Variants in NRXN3 observed in about 807,000 individuals in gnomAD.
The protein encoded by NRXN3 is neurexin 3, also known as neurexin III.
A neutral mutation model predicts 137.6 loss-of-function variants in NRXN3; 32 were observed. The observed-to-expected ratio is 0.23, with a 90% CI of 0.18 to 0.31. The LOEUF is 0.31. NRXN3 is among the 10% of genes least tolerant of loss of function. The probability of loss-of-function intolerance (pLI) is 1.00; values close to 1 mark genes in which losing one functional copy is unlikely to be tolerated. For synonymous variants in NRXN3, 798 were observed against 784.5 expected, an observed-to-expected ratio of 1.02 and a Z score of -0.29; for missense variants, 1,574 against 2,062.5, an observed-to-expected ratio of 0.76 and a Z score of 4.59.
intron 16 of NRXN3, among the ~76,000 whole-genome samples, chr14:79,575,243 C>G (rs2097653280): frequency 6.6e-6 from 1 of 152,066 alleles, no homozygotes; most frequent in Non-Finnish European, 1.5e-5. Flanking sequence ...AAACAGAAAA[C>G]TTCTTAGGCT....
At chr14:79,588,040 T>C (rs1385806429) in intron 16 of NRXN3, among the ~76,000 whole-genome samples, 1 of 152,212 alleles carries the variant, frequency 6.6e-6, no homozygotes, top group Non-Finnish European at 1.5e-5. Context: ...TCAAATATGA[T>C]TATAGGCTAT....
intron 4 of NRXN3, among the ~76,000 whole-genome samples, chr14:78,628,095 C>A (rs1327683224): frequency 6.7e-6 from 1 of 148,782 alleles, no homozygotes; most frequent in East Asian, 2.0e-4. Context: ...TTTTAAGAGA[C>A]CAAATCTTAC....
chr14:79,121,932 T>C (rs2653541), intron 15 of NRXN3, among the ~76,000 whole-genome samples: 4,333 of 152,290 alleles, frequency 0.028, 200 homozygotes, highest in African/African-American at 0.099. Flanking sequence ...GTACATTTAG[T>C]ATTTTTTTGT....
chr14:78,373,523 A>G (rs1567400068), intron 4 of NRXN3, among the ~76,000 whole-genome samples: 2 of 152,284 alleles, frequency 1.3e-5, no homozygotes, highest in African/African-American at 4.8e-5. Flanking sequence ...TATCTTTTCT[A>G]TGGTACCTGC....
intron 10 of NRXN3, among the ~76,000 whole-genome samples, chr14:78,819,144 A>T (rs1029313381): frequency 2.0e-5 from 3 of 152,108 alleles, no homozygotes; most frequent in Non-Finnish European, 4.4e-5. Flanking sequence ...TGTTTCAGGG[A>T]CTGTAATTTT....
chr14:78,319,826 T>A (rs1253217570), intron 4 of NRXN3, among the ~76,000 whole-genome samples: 1 of 152,122 alleles, frequency 6.6e-6, no homozygotes, highest in Non-Finnish European at 1.5e-5. Context: ...ATCTGTATAA[T>A]CCCCTGGGAA....
intron 4 of NRXN3, among the ~76,000 whole-genome samples, chr14:78,607,889 A>G (rs993271447): frequency 1.3e-5 from 2 of 152,122 alleles, no homozygotes; most frequent in Non-Finnish European, 2.9e-5. Flanking sequence ...AGAGTAGAAG[A>G]GTTGACTGGT....
At chr14:78,658,734 G>C (rs1412653428) in intron 6 of NRXN3, among the ~76,000 whole-genome samples, 2 of 152,118 alleles carry the variant, frequency 1.3e-5, no homozygotes, top group African/African-American at 4.8e-5. Flanking sequence ...ATTGCTTTGG[G>C]TAGCAAGGTA....
chr14:78,314,893 CTCTTTCTTTCTTTCTTTCTTTCTTTCTT>C (rs67628703), intron 4 of NRXN3, among the ~76,000 whole-genome samples: 8 of 82,128 alleles, frequency 9.7e-5, no homozygotes, highest in African/African-American at 4.3e-4. Flanking sequence ...TTCTTTCTTT[CTCTTTCTTTCTTTCTTTCTTTCTTTCTT>C]TCTTTCTTTC....
chr14:79,570,733 G>A (rs2097592011), intron 16 of NRXN3: 1 of 152,190 alleles, frequency 6.6e-6, no homozygotes, highest in Non-Finnish European at 1.5e-5. Context: ...CTTAACCAAT[G>A]TATTTCCACA....
Position 79,862,488 on chromosome 14 carries a change from CA to C in NRXN3, c.*535del, listed in dbSNP as rs762251613. 6.7e-4 allele frequency: 94 copies of C among 140,914 alleles called. No homozygotes were observed. The highest frequency in any genetic ancestry group is 3.7e-3 in the Middle Eastern group (1 of 270). 8.7% of individuals were successfully genotyped at this position (140,914 alleles called of 1,614,324 possible). On this transcript the variant is annotated 3_prime_UTR_variant, in exon 21 of 21. Transcript: ENST00000335750. ...AAAAACACCAAAAAACAAAAACAAA[CA>C]AAAAAAAAAACCCACAACCCTTATC... is the stretch of plus-strand genomic sequence containing the variant.
At chr14:79,313,981 A>T (rs2087679011) in intron 15 of NRXN3, 1 of 150,032 alleles carries the variant, frequency 6.7e-6, no homozygotes, top group Non-Finnish European at 1.5e-5. Context: ...GCTGGTGAGG[A>T]ACTGCGTTCC....
intron 8 of NRXN3, among the ~76,000 whole-genome samples, chr14:78,789,251 T>G (rs1374160442): frequency 6.6e-6 from 1 of 152,172 alleles, no homozygotes; most frequent in Admixed American, 6.5e-5. Context: ...CTAAACTTCC[T>G]AACTGTGCTT....
chr14:79,102,646 G>A (rs767984751), intron 15 of NRXN3, among the ~76,000 whole-genome samples: 7 of 152,128 alleles, frequency 4.6e-5, no homozygotes, highest in African/African-American at 1.2e-4. Context: ...GATCGGTGAA[G>A]GTGTGAATAG....
intron 4 of NRXN3, among the ~76,000 whole-genome samples, chr14:78,369,930 TAAAAA>T (rs57610008): frequency 2.5e-4 from 35 of 140,372 alleles, no homozygotes; most frequent in Non-Finnish European, 2.7e-4. Flanking sequence ...TTAGCCTGGT[TAAAAA>T]AAAAAAAAAA....
rs972545367 is a variant in NRXN3 at position 78,709,341 on chromosome 14, T to C, written c.1346T>C (p.Ile449Thr). ...GAGAATGTGGCCACACTGGACCCCA[T>C]CAACTTTGAGACCCCAGAGGCTTAC... ...KCENVATLDP[I>T]NFETPEAYIS... The change falls in exon 7 of 21, where the codon ATC becomes ACC. Residue 449 changes from isoleucine (I) to threonine (T), a missense_variant. Around this residue, in one of 5 missense-constraint regions of NRXN3, gnomAD observed 718 missense variants for 887.6 expected, o/e 0.81. Transcript: ENST00000335750. 6.2e-7 allele frequency: 1 copy of C among 1,613,938 alleles called. No individual in the cohort carries two copies. Among genetic ancestry groups the C allele is most frequent in the African/African-American group, 1.3e-5 (1 of 74,870 alleles).
intron 4 of NRXN3, among the ~76,000 whole-genome samples, chr14:78,586,773 C>G (rs778776068): frequency 6.6e-6 from 1 of 152,216 alleles, no homozygotes; most frequent in African/African-American, 2.4e-5. Flanking sequence ...CTTTTTACTT[C>G]CTATCTTTGA....
At chr14:78,386,017 C>G (rs1370754803) in intron 4 of NRXN3, among the ~76,000 whole-genome samples, 2 of 151,646 alleles carry the variant, frequency 1.3e-5, no homozygotes, top group African/African-American at 4.8e-5. Flanking sequence ...ATAAGGAGCT[C>G]TAAGGTATTA....
At chr14:79,427,478 A>G (rs2095671926) in intron 15 of NRXN3, among the ~76,000 whole-genome samples, 1 of 152,060 alleles carries the variant, frequency 6.6e-6, no homozygotes, top group African/African-American at 2.4e-5. Flanking sequence ...AACACACACA[A>G]AATTGTTCTT....
Sources: gnomAD v4.1 joint callset for allele counts (sites outside exome capture counted in the v4.1 genomes callset) on GRCh38, gnomAD v4.1.1 for gene constraint, gnomAD v4.1.1 regional missense constraint, MANE v1.5 for transcripts, NCBI Gene and HGNC (gene_info 2026-07-23, HGNC 2026-07-21) for gene names.